Variants in ADPRHL1 observed in about 807,000 individuals in gnomAD.
ADPRHL1 encodes the protein inactive ADP-ribosyltransferase ARH2.
ADPRHL1 carries 43 observed loss-of-function variants against 44.1 expected under a neutral mutation model. That is an observed-to-expected ratio of 0.98 (90% CI 0.76 to 1.26). The LOEUF is 1.26. Ranked by LOEUF, ADPRHL1 falls within the 50% of genes most tolerant of loss-of-function variation. The pLI is 0.00. For synonymous variants in ADPRHL1, 878 were observed against 1,017.4 expected, an observed-to-expected ratio of 0.86 and a Z score of 2.61; for missense variants, 2,022 against 2,496.9, an observed-to-expected ratio of 0.81 and a Z score of 4.05.
rs2043823635 is a variant in ADPRHL1, at chr13:113,408,180, C to A, written c.1102G>T (p.Asp368Tyr). 2.4e-6 allele frequency: 3 copies of A among 1,232,020 alleles called. No homozygotes were observed. Among genetic ancestry groups the A allele is most frequent in the Non-Finnish European group, 3.0e-6 (3 of 987,984 alleles). 76.3% of individuals were successfully genotyped at this position (1,232,020 alleles called of 1,614,324 possible). Residue 368 changes from aspartate (D) to tyrosine (Y), a missense_variant, in exon 8 of 8, where the codon GAC becomes TAC. This residue lies in a region of ADPRHL1 where 1,221 missense variants were observed against 1,517.8 expected (regional missense o/e 0.80). Coordinates refer to ENST00000612156, the MANE Select transcript of ADPRHL1 (RefSeq NM_001394807.1). ...ATCTTCTTCTTCAGGGTTTGGGCGT[C>A]CACAGACATGACGTCACTGCAGGTC... ...SKTCSDVMSV[D>Y]AQTLKKKMGK...
chr13:113,437,191 C>T (rs1263924043), intron 2 of ADPRHL1, among the ~76,000 whole-genome samples: 2 of 143,946 alleles, frequency 1.4e-5, no homozygotes, highest in South Asian at 2.3e-4. Flanking sequence ...AGGTGTACCC[C>T]GGGACCCAGC....
chr13:113,428,760 G>C (rs555041235), intron 4 of ADPRHL1, among the ~76,000 whole-genome samples, 192 bp downstream of exon 4: 1 of 152,378 alleles, frequency 6.6e-6, no homozygotes, highest in South Asian at 2.1e-4. Flanking sequence ...TCCCAGGTCA[G>C]GGCAGAGGCA....
intron 2 of ADPRHL1, 132 bp downstream of exon 2, chr13:113,444,293 A>T: frequency 7.7e-7 from 1 of 1,291,430 alleles, no homozygotes; most frequent in South Asian, 1.5e-5. Flanking sequence ...CCCACCCGAC[A>T]AAGGGACTCT....
In ADPRHL1 at chr13:113,405,686, A is replaced by G; in HGVS notation, c.3596T>C (p.Val1199Ala). 1 of 1,232,176 alleles carries G rather than the reference A, an allele frequency of 8.1e-7. No homozygotes were observed. Among genetic ancestry groups the G allele is most frequent in the Non-Finnish European group, 1.0e-6 (1 of 988,390 alleles). 76.3% of individuals were successfully genotyped at this position (1,232,176 alleles called of 1,614,324 possible). ...GGTCGCAATGTCCTCTGGGTGCTGGACGAGGGCCACGCCTCTCAGGAGGCT... is the reference window on the plus strand; with the variant it reads ...GGTCGCAATGTCCTCTGGGTGCTGGGCGAGGGCCACGCCTCTCAGGAGGCT... ...GRSLLRGVALVQHPEDIATLA... is the reference protein window; with the variant it reads ...GRSLLRGVALAQHPEDIATLA... Residue 1199 changes from valine to alanine, a missense_variant, in exon 8 of 8, where the codon GTC (valine) becomes GCC (alanine). Val to Ala is a moderately conservative substitution (Grantham distance 64). Coordinates refer to ENST00000612156, the MANE Select transcript of ADPRHL1 (RefSeq NM_001394807.1).
At chr13:113,435,440 C>T (rs1189153722) in intron 2 of ADPRHL1, among the ~76,000 whole-genome samples, 1 of 130,404 alleles carries the variant, frequency 7.7e-6, no homozygotes, top group Non-Finnish European at 1.6e-5. Context: ...GACCCAGCAC[C>T]CAGGTGTAGA....
intron 7 of ADPRHL1, among the ~76,000 whole-genome samples, chr13:113,420,585 C>A (rs1566470494): frequency 6.6e-6 from 1 of 152,084 alleles, no homozygotes; most frequent in Admixed American, 6.6e-5. Flanking sequence ...TCCCCACACC[C>A]ACGGGTGCTG....
At chr13:113,424,123 C>T in intron 6 of ADPRHL1, 94 bp downstream of exon 6, 2 of 1,501,474 alleles carry the variant, frequency 1.3e-6, no homozygotes, top group African/African-American at 1.4e-5. Context: ...GGAGGTGGCC[C>T]CTGAATGCCT....
chr13:113,437,523 C>T (rs1034310441), intron 2 of ADPRHL1, among the ~76,000 whole-genome samples: 6 of 152,238 alleles, frequency 3.9e-5, no homozygotes, highest in African/African-American at 7.2e-5. Context: ...TGTTACTCGG[C>T]GTGTTCCAGG....
In ADPRHL1 at chr13:113,431,967, T is replaced by C. The variant is rs1344663631; in HGVS notation, c.505+1775A>G. On this transcript the variant is annotated intron_variant, in intron 3 of 7. Transcript: ENST00000612156. ...CCTGACCTCAGGTGATCCGCCTGCC[T>C]TGGCACCCCCAAAGTGCTGGGATTA... Among the ~76,000 whole-genome samples the C allele has an allele frequency of 2.6e-5, 4 of 152,216 alleles. No homozygotes were observed. In the East Asian group the frequency reaches 7.7e-4, roughly 29 times the overall value.
chr13:113,417,941 C>T (rs941066767), intron 7 of ADPRHL1, among the ~76,000 whole-genome samples: 3 of 152,152 alleles, frequency 2.0e-5, no homozygotes, highest in Admixed American at 6.5e-5. Context: ...TGGGTATTAC[C>T]AATTTTATCA....
In ADPRHL1 at chr13:113,403,376, C is replaced by A. The variant is rs2043777078; in HGVS notation, c.*2G>T. ...GGCGAGCCACGGTGTGTACTCGGGG[C>A]CTCACTTTGGGAGCTCAGACGTGTC... On this transcript the variant is annotated 3_prime_UTR_variant, in exon 8 of 8. Coordinates refer to ENST00000612156, the MANE Select transcript of ADPRHL1 (RefSeq NM_001394807.1). 8.1e-7 allele frequency: 1 copy of A among 1,232,066 alleles called. No individual in the cohort carries two copies. Among genetic ancestry groups the A allele is most frequent in the Non-Finnish European group, 1.0e-6 (1 of 987,976 alleles). 76.3% of individuals were successfully genotyped at this position (1,232,066 alleles called of 1,614,324 possible). A position where few individuals can be genotyped will look rare whatever the true frequency, so the allele number is the denominator to read the frequency against.
rs111700088 is a variant in ADPRHL1, at chr13:113,429,385, T to C, written c.506-293A>G. Among the ~76,000 whole-genome samples, 97 of 152,350 alleles carry C rather than the reference T, an allele frequency of 6.4e-4. 1 individual carries two copies. The highest frequency in any genetic ancestry group is 2.2e-3 in the African/African-American group (92 of 41,594). On this transcript the variant is annotated intron_variant, in intron 3 of 7. Coordinates refer to ENST00000612156, the MANE Select transcript of ADPRHL1 (RefSeq NM_001394807.1). ...TGACTTTTCTGTCTCCGGATGTGAC[T>C]GCTCTGGGTGCCTGCTCCTCGTGGG...
rs552592369 is a variant in ADPRHL1 at position 113,437,728 on chromosome 13, C to T, written c.380-3861G>A. Among the ~76,000 whole-genome samples, 3 of 152,340 alleles carry T rather than the reference C, an allele frequency of 2.0e-5. No homozygotes were observed. The South Asian group carries it at 6.2e-4, about 32-fold the overall frequency. Reference sequence around the variant, plus strand: ...ACCTGCAGTTTGGGCTGTGTCCAGTCTGGGGCTCTGAGCATGAGGCACCAG... The same window carrying T: ...ACCTGCAGTTTGGGCTGTGTCCAGTTTGGGGCTCTGAGCATGAGGCACCAG... On this transcript the variant is annotated intron_variant, in intron 2 of 7. Transcript: ENST00000612156.
Position 113,406,295 on chromosome 13 carries a change from G to T in ADPRHL1, c.2987C>A (p.Ser996Ter). 8.1e-7 allele frequency: 1 copy of T among 1,232,090 alleles called. No homozygotes were observed. The highest frequency in any genetic ancestry group is 1.0e-6 in the Non-Finnish European group (1 of 987,974). 76.3% of individuals were successfully genotyped at this position (1,232,090 alleles called of 1,614,324 possible). The change falls in exon 8 of 8, where the codon TCA becomes TAA. Residue 996 changes from serine to a stop codon, truncating the protein, a stop_gained. Transcript: ENST00000612156. LOFTEE classifies it low-confidence loss of function (END_TRUNC). ...TGTTGCGGAGCCCTTCTTCTGCATT[G>T]ATATTTCATTAGATTCCGGCAACGG... ...KHPLPESNEISMQKKGSATND... is the reference protein window; with the variant it reads ...KHPLPESNEI
intron 4 of ADPRHL1, among the ~76,000 whole-genome samples, chr13:113,428,069 C>G (rs2043979602): frequency 6.6e-6 from 1 of 152,104 alleles, no homozygotes; most frequent in Non-Finnish European, 1.5e-5. Context: ...CTGGTGAAAC[C>G]CCGTCTCTAC....
chr13:113,407,914 G>C lies in ADPRHL1; in HGVS notation c.1368C>G (p.Ser456=), dbSNP rs2043821286. 8.1e-7 allele frequency: 1 copy of C among 1,231,960 alleles called. No homozygotes were observed. Among genetic ancestry groups the C allele is most frequent in the Non-Finnish European group, 1.0e-6 (1 of 987,958 alleles). The allele number at this position is 1,231,960 out of a possible 1,614,324, so 76.3% of individuals were successfully genotyped here. A position where few individuals can be genotyped will look rare whatever the true frequency, so the allele number is the denominator to read the frequency against. The change falls in exon 8 of 8, where the codon TCC becomes TCG. Residue 456 remains serine (S), a synonymous_variant. Transcript: ENST00000612156. ...KRTREVGRLI[S]KDKQGPGGGL... is the part of the protein sequence containing the mutation. Reference sequence around the variant, plus strand: ...CCCCACCCGGCCCCTGCTTGTCCTTGGAGATCAGCCGGCCCACCTCCCTGG... The same window carrying C: ...CCCCACCCGGCCCCTGCTTGTCCTTCGAGATCAGCCGGCCCACCTCCCTGG...
At position 113,400,472 on chromosome 13, in the gene ADPRHL1, T is replaced by TAA. The variant is rs1555324251; in HGVS notation, c.*2904_*2905dup. The TAA allele has an allele frequency of 0.078, 11,492 of 147,030 alleles. 523 individuals are homozygous for TAA. Among genetic ancestry groups the TAA allele is most frequent in the Non-Finnish European group, 0.096 (6,419 of 66,812 alleles). 9.1% of individuals were successfully genotyped at this position (147,030 alleles called of 1,614,324 possible). Reference sequence around the variant, plus strand: ...TTCTTTCTTTCTTTTTTTTTTTTTTTAAAAAAACAAAACAACTTTGGGTTT... The same window carrying TAA: ...TTCTTTCTTTCTTTTTTTTTTTTTTTAAAAAAAAACAAAACAACTTTGGGTTT... On this transcript the variant is annotated 3_prime_UTR_variant, in exon 8 of 8. Transcript: ENST00000612156.
intron 2 of ADPRHL1, among the ~76,000 whole-genome samples, chr13:113,439,338 G>T (rs1263833129): frequency 1.3e-5 from 2 of 152,138 alleles, no homozygotes; most frequent in Non-Finnish European, 2.9e-5. Flanking sequence ...GGCCAGGCTG[G>T]TCTCGAACTC....
intron 5 of ADPRHL1, among the ~76,000 whole-genome samples, chr13:113,424,829 T>TTCATCC (rs2043955600): frequency 1.0e-3 from 13 of 12,456 alleles, no homozygotes; most frequent in Non-Finnish European, 1.4e-3. Context: ...TCCATTCACC[T>TTCATCC]GTCCACCCAT....
Sources: gnomAD v4.1 joint callset for allele counts (sites outside exome capture counted in the v4.1 genomes callset) on GRCh38, gnomAD v4.1.1 for gene constraint, gnomAD v4.1.1 regional missense constraint, MANE v1.5 for transcripts, NCBI Gene and HGNC (gene_info 2026-07-23, HGNC 2026-07-21) for gene names.